PDE3B: variants seen among roughly 807,000 people sequenced by gnomAD.
PDE3B encodes cGMP-inhibited 3',5'-cyclic phosphodiesterase 3B.
Under a neutral mutation model 116.8 loss-of-function variants are expected in PDE3B, and 66 were observed. The observed-to-expected ratio is 0.56, with a 90% CI of 0.46 to 0.69. PDE3B has a LOEUF of 0.69. PDE3B is among the 30% of genes least tolerant of loss of function. The probability of loss-of-function intolerance (pLI) is 0.00; values close to 1 mark genes in which losing one functional copy is unlikely to be tolerated. For missense variants in PDE3B, 1,384 were observed against 1,368.1 expected, an observed-to-expected ratio of 1.01 and a Z score of -0.18; for synonymous variants, 595 against 533.6, an observed-to-expected ratio of 1.12 and a Z score of -1.59.
chr11:14,772,038 CTAAA>C (rs1317640990), intron 2 of PDE3B, 51 bp downstream of exon 2: 4 of 774,674 alleles, frequency 5.2e-6, no homozygotes, highest in Admixed American at 2.6e-5. Context: ...TCTGTGATCA[CTAAA>C]TAATATCTGT....
At chr11:14,727,564 A>T (rs554799450) in intron 1 of PDE3B, among the ~76,000 whole-genome samples, 1 of 152,248 alleles carries the variant, frequency 6.6e-6, no homozygotes, top group African/African-American at 2.4e-5. Context: ...TGTTTTGGTA[A>T]AGTTAATACT....
rs1555008752 is a variant in PDE3B, at chr11:14,869,724, A to T, written c.*64A>T. On this transcript the variant is annotated 3_prime_UTR_variant, in exon 16 of 16. Transcript: ENST00000282096. ...CCAGAGGGTTGTGCCCAGGGGCAGA[A>T]ATCATTGCCTAGTGTTCACCGGCTG... The T allele has an allele frequency of 7.4e-7, 1 of 1,351,110 alleles. No homozygotes were observed. The highest frequency in any genetic ancestry group is 2.3e-5 in the East Asian group (1 of 42,640). 83.7% of individuals were successfully genotyped at this position (1,351,110 alleles called of 1,614,324 possible).
At chr11:14,770,329 C>T (rs2133896574) in intron 1 of PDE3B, among the ~76,000 whole-genome samples, 1 of 151,396 alleles carries the variant, frequency 6.6e-6, no homozygotes, top group East Asian at 1.9e-4. Flanking sequence ...TTGACATTCT[C>T]AATCTCCAAA....
intron 1 of PDE3B, among the ~76,000 whole-genome samples, chr11:14,673,404 TA>T (rs1037798676): frequency 6.6e-4 from 95 of 144,706 alleles, no homozygotes; most frequent in South Asian, 6.5e-4. Context: ...ACTTTGAAAT[TA>T]AAAAAAAAAA....
At position 14,861,372 on chromosome 11, in the gene PDE3B, T is replaced by G. The variant is rs1380825255; in HGVS notation, c.2886+6T>G. 3 of 1,612,000 alleles carry G rather than the reference T, an allele frequency of 1.9e-6. No homozygotes were observed. The Admixed American group carries it at 5.0e-5, about 27-fold the overall frequency. On this transcript the variant is annotated splice_donor_region_variant and intron_variant, in intron 14 of 15. Transcript: ENST00000282096. ...TCAATGAATTTTATGAGCAGGTAAG[T>G]TGAAACCTGAGCTTGGTGGGATTTT...
intron 4 of PDE3B, among the ~76,000 whole-genome samples, chr11:14,800,257 G>T (rs934214919): frequency 1.4e-4 from 21 of 152,154 alleles, no homozygotes; most frequent in Admixed American, 9.2e-4. Flanking sequence ...ACGAGGTCAG[G>T]AGTTCGATTC....
intron 6 of PDE3B, 99 bp downstream of exon 6, chr11:14,818,492 T>C: frequency 1.4e-6 from 1 of 700,238 alleles, no homozygotes; most frequent in East Asian, 2.7e-5. Context: ...AGCTTTAAGC[T>C]AAATGACCAT....
At chr11:14,880,084 T>C in the PDE3B span, 5 of 1,595,772 alleles carry the variant, frequency 3.1e-6, no homozygotes, top group South Asian at 5.6e-5. Flanking sequence ...CAAAAACATG[T>C]ATGAACCCTA....
chr11:14,761,264 G>T (rs1857353208), intron 1 of PDE3B, among the ~76,000 whole-genome samples: 1 of 152,014 alleles, frequency 6.6e-6, no homozygotes, highest in Non-Finnish European at 1.5e-5. Flanking sequence ...ATTATAAATG[G>T]TAATTTTTTC....
chr11:14,722,255 A>C (rs1055704967), intron 1 of PDE3B, among the ~76,000 whole-genome samples: 3 of 152,148 alleles, frequency 2.0e-5, no homozygotes, highest in African/African-American at 7.2e-5. Flanking sequence ...GCACATGTAT[A>C]CATATGTAAC....
chr11:14,772,349 A>G (rs1275707309), intron 2 of PDE3B: 1 of 153,742 alleles, frequency 6.5e-6, no homozygotes, highest in Non-Finnish European at 1.4e-5. Context: ...ATGGAAGGCC[A>G]TATCTGAGAC....
chr11:14,752,507 A>G (rs1857080359), intron 1 of PDE3B, among the ~76,000 whole-genome samples: 1 of 152,152 alleles, frequency 6.6e-6, no homozygotes, highest in Non-Finnish European at 1.5e-5. Flanking sequence ...TTTTGAGTTC[A>G]CTGGTTAAAT....
intron 1 of PDE3B, among the ~76,000 whole-genome samples, chr11:14,704,267 A>G (rs1855464372): frequency 6.6e-6 from 1 of 151,760 alleles, no homozygotes; most frequent in African/African-American, 2.4e-5. Context: ...TATTGATTTA[A>G]TTGGTTTGAG....
chr11:14,843,987 G>A lies in PDE3B; in HGVS notation c.2481G>A (p.Gly827=), dbSNP rs775910951. The change falls in exon 12 of 16, where the codon GGG becomes GGA. Residue 827 remains glycine (G), a synonymous_variant. Coordinates refer to ENST00000282096, the MANE Select transcript of PDE3B (RefSeq NM_000922.4). ...CCATGCATGATTATGATCACCCAGG[G>A]AGGACAAATGCATTTCTAGTGGCTA... ...AAAMHDYDHP[G]RTNAFLVATN... 3 of 1,613,994 alleles carry A rather than the reference G, an allele frequency of 1.9e-6. No individual in the cohort carries two copies. The African/African-American group carries it at 4.0e-5, about 22-fold the overall frequency.
downstream of PDE3B, among the ~76,000 whole-genome samples, chr11:14,875,184 T>C (rs781850674): frequency 2.0e-5 from 3 of 152,168 alleles, no homozygotes; most frequent in Non-Finnish European, 4.4e-5. Flanking sequence ...AAAGTTCTCC[T>C]TACCTACTTC....
At chr11:14,840,770 T>G (rs940040278) in intron 11 of PDE3B, among the ~76,000 whole-genome samples, 1 of 152,186 alleles carries the variant, frequency 6.6e-6, no homozygotes, top group Non-Finnish European at 1.5e-5. Flanking sequence ...GAAAGAGACA[T>G]GGCCAGCTGA....
At chr11:14,729,903 AT>A (rs1390837225) in intron 1 of PDE3B, among the ~76,000 whole-genome samples, 2 of 152,208 alleles carry the variant, frequency 1.3e-5, no homozygotes, top group Non-Finnish European at 2.9e-5. Flanking sequence ...AACTCTGGAT[AT>A]TTTAAGAACT....
chr11:14,753,415 T>C (rs561829716), intron 1 of PDE3B, among the ~76,000 whole-genome samples: 1 of 152,278 alleles, frequency 6.6e-6, no homozygotes, highest in Non-Finnish European at 1.5e-5. Flanking sequence ...ATATCTTCTG[T>C]AATAACATGA....
rs769822796 is a variant in PDE3B at position 14,818,336 on chromosome 11, C to G, written c.1676C>G (p.Pro559Arg). Residue 559 changes from proline to arginine, a missense_variant, in exon 6 of 16, where the codon CCT becomes CGT. Transcript: ENST00000282096. ...TTGCAGAGATCTCTGGGCAATGCAC[C>G]TAATACTCCAGATTTTTATCAGCAA... ...VILQRSLGNA[P>R]NTPDFYQQLR... The G allele has an allele frequency of 6.8e-6, 11 of 1,613,402 alleles. No homozygotes were observed. The African/African-American group carries it at 1.3e-4, about 20-fold the overall frequency.
Sources: allele counts gnomAD v4.1 joint callset (sites outside exome capture counted in the v4.1 genomes callset), GRCh38; gene constraint gnomAD v4.1.1; transcripts MANE v1.5; gene names NCBI Gene and HGNC (gene_info 2026-07-23, HGNC 2026-07-21).